Variants in UNC5D observed in about 807,000 individuals in gnomAD.
UNC5D encodes the protein unc-5 netrin receptor D, also known as netrin receptor UNC5D.
A neutral mutation model predicts 105.4 loss-of-function variants in UNC5D; 39 were observed. The observed-to-expected ratio is 0.37, with a 90% CI of 0.29 to 0.48. The LOEUF is 0.48. Among genes scored for constraint, UNC5D ranks in the 20% least tolerant of loss-of-function variants. The pLI, the probability that UNC5D is intolerant of heterozygous loss-of-function variation, is 0.98. For missense variants in UNC5D, 991 were observed against 1,202.4 expected (o/e 0.82, Z 2.60); for synonymous variants, 452 against 450.4 (o/e 1.00, Z -0.04).
intron 1 of UNC5D, among the ~76,000 whole-genome samples, chr8:35,479,124 T>C: frequency 6.6e-6 from 1 of 152,186 alleles, no homozygotes; most frequent in Middle Eastern, 3.2e-3. Context: ...TTTGGAGAGC[T>C]TTATCCCTGC....
chr8:35,573,398 C>T (rs1184852302), intron 3 of UNC5D, among the ~76,000 whole-genome samples: 4 of 151,832 alleles, frequency 2.6e-5, no homozygotes, highest in African/African-American at 7.3e-5. Flanking sequence ...CTGCTATGAT[C>T]GCGCCTGTGA....
intron 1 of UNC5D, among the ~76,000 whole-genome samples, chr8:35,275,455 C>G (rs1805711073): frequency 1.3e-5 from 2 of 152,124 alleles, no homozygotes; most frequent in South Asian, 2.1e-4. Context: ...GTCTTTCATA[C>G]AGAAGAACAT....
chr8:35,484,536 T>C (rs1453754290), intron 1 of UNC5D, among the ~76,000 whole-genome samples: 3 of 152,104 alleles, frequency 2.0e-5, no homozygotes, highest in Non-Finnish European at 4.4e-5. Flanking sequence ...AGAAGGTAAA[T>C]AGTGTCACAC....
intron 4 of UNC5D, among the ~76,000 whole-genome samples, chr8:35,647,513 A>G (rs1171338969): frequency 6.6e-6 from 1 of 152,028 alleles, no homozygotes; most frequent in Non-Finnish European, 1.5e-5. Flanking sequence ...CAGTCTTTTT[A>G]ATGCATAGTC....
chr8:35,774,926 C>CAAAAA (rs548702956), intron 16 of UNC5D, among the ~76,000 whole-genome samples: 2 of 120,396 alleles, frequency 1.7e-5, no homozygotes, highest in African/African-American at 3.8e-5. Context: ...GACCCTCCTC[C>CAAAAA]AAAAAAAAAA....
chr8:35,661,303 G>A (rs4352847), intron 4 of UNC5D, among the ~76,000 whole-genome samples: 135,479 of 151,908 alleles, frequency 0.89, 60,462 homozygotes, highest in East Asian at 0.94. Context: ...TGAAATAATG[G>A]GAAGTCCTTT....
intron 1 of UNC5D, among the ~76,000 whole-genome samples, chr8:35,238,977 C>A (rs1057158641): frequency 1.3e-5 from 2 of 152,180 alleles, no homozygotes; most frequent in African/African-American, 4.8e-5. Flanking sequence ...ACAAATCTTT[C>A]TCTTCCTAGG....
intron 4 of UNC5D, among the ~76,000 whole-genome samples, chr8:35,667,720 T>TAA (rs1233563529): frequency 4.6e-5 from 7 of 152,330 alleles, no homozygotes; most frequent in African/African-American, 1.7e-4. Context: ...ACAGAACAGT[T>TAA]TGTTGATCTG....
chr8:35,400,347 C>T (rs1804379524), intron 1 of UNC5D, among the ~76,000 whole-genome samples: 1 of 151,878 alleles, frequency 6.6e-6, no homozygotes, highest in African/African-American at 2.4e-5. Context: ...TGTGCATATT[C>T]TGGTGATATG....
At chr8:35,774,950 G>A (rs1001129941) in intron 16 of UNC5D, among the ~76,000 whole-genome samples, 1 of 133,878 alleles carries the variant, frequency 7.5e-6, no homozygotes, top group Non-Finnish European at 1.5e-5. Flanking sequence ...AAGACACTCT[G>A]TGTGACATTT....
chr8:35,575,315 CCAGTGTAGGAT>C (rs1818014892), intron 3 of UNC5D, among the ~76,000 whole-genome samples: 1 of 152,108 alleles, frequency 6.6e-6, no homozygotes, highest in African/African-American at 2.4e-5. Context: ...AGCAACCCTG[CCAGTGTAGGAT>C]ATGGCTCTAG....
At chr8:35,711,007 C>T (rs373936152) in intron 8 of UNC5D, among the ~76,000 whole-genome samples, 28 of 120,916 alleles carry the variant, frequency 2.3e-4, no homozygotes, top group Non-Finnish European at 4.1e-4. Flanking sequence ...GGCCTGATCT[C>T]GGCTCACTGC....
intron 1 of UNC5D, among the ~76,000 whole-genome samples, chr8:35,381,296 A>G (rs1245734882): frequency 6.6e-6 from 1 of 152,166 alleles, no homozygotes; most frequent in Non-Finnish European, 1.5e-5. Context: ...TTGCCTTTAG[A>G]GTCCAAATAA....
chr8:35,243,520 T>C (rs1489829148), intron 1 of UNC5D, among the ~76,000 whole-genome samples: 2 of 152,208 alleles, frequency 1.3e-5, no homozygotes, highest in Non-Finnish European at 2.9e-5. Flanking sequence ...TTTTGTTAAA[T>C]AAGAGGCCTT....
At chr8:35,610,326 T>C (rs960507962) in intron 4 of UNC5D, among the ~76,000 whole-genome samples, 1 of 152,198 alleles carries the variant, frequency 6.6e-6, no homozygotes. Flanking sequence ...ACCAGGCCAA[T>C]GATAGTCTCT....
rs1801420933 is a variant in UNC5D at position 35,759,468 on chromosome 8, A to G, written c.2312A>G (p.Gln771Arg). Residue 771 changes from glutamine to arginine, a missense_variant and splice_region_variant, in exon 14 of 17, where the codon CAG becomes CGG. Gln to Arg is a conservative substitution (Grantham distance 43). Around this residue, in one of 3 missense-constraint regions of UNC5D, gnomAD observed 944 missense variants for 1,131.6 expected, o/e 0.83. Coordinates refer to ENST00000404895, the MANE Select transcript of UNC5D (RefSeq NM_080872.4). ...AGAATTAAACCATTCACTGCCTGCCAGGTACTGGCCAAATGGGTTTCTAAC... is the reference window on the plus strand; with the variant it reads ...AGAATTAAACCATTCACTGCCTGCCGGGTACTGGCCAAATGGGTTTCTAAC... Reference protein sequence around the residue: ...LWRIKPFTACQEVPFSRVWCS... With the variant: ...LWRIKPFTACREVPFSRVWCS... 2 of 1,612,348 alleles carry G rather than the reference A, an allele frequency of 1.2e-6. No homozygotes were observed. Among genetic ancestry groups the G allele is most frequent in the African/African-American group, 1.3e-5 (1 of 74,834 alleles).
intron 1 of UNC5D, among the ~76,000 whole-genome samples, chr8:35,328,939 T>A (rs1305751564): frequency 6.6e-6 from 1 of 152,164 alleles, no homozygotes; most frequent in Non-Finnish European, 1.5e-5. Flanking sequence ...CACATCTCTT[T>A]GCCCCAATTC....
At chr8:35,705,747 A>G (rs543615637) in intron 7 of UNC5D, among the ~76,000 whole-genome samples, 182 bp from the exon 8 acceptor site, 1 of 152,344 alleles carries the variant, frequency 6.6e-6, no homozygotes. Flanking sequence ...TTTATTTTTC[A>G]AAAGAGAAAA....
intron 1 of UNC5D, among the ~76,000 whole-genome samples, chr8:35,503,473 G>A (rs1235701818): frequency 1.3e-5 from 2 of 152,114 alleles, no homozygotes; most frequent in African/African-American, 2.4e-5. Context: ...TCTCCCACCA[G>A]GTCCCTCCCA....
Sources: gnomAD v4.1 joint callset for allele counts (sites outside exome capture counted in the v4.1 genomes callset) on GRCh38, gnomAD v4.1.1 for gene constraint, gnomAD v4.1.1 regional missense constraint, MANE v1.5 for transcripts, NCBI Gene and HGNC (gene_info 2026-07-23, HGNC 2026-07-21) for gene names.